Variants in ALDH3A2 observed in about 807,000 individuals in gnomAD.
The protein encoded by ALDH3A2 is aldehyde dehydrogenase 3 family member A2, also known as aldehyde dehydrogenase family 3 member A2.
A neutral mutation model predicts 51.3 loss-of-function variants in ALDH3A2; 36 were observed. The observed-to-expected ratio is 0.70, with a 90% CI of 0.54 to 0.93. The LOEUF (loss-of-function observed/expected upper bound fraction) is 0.93, where lower values mean the gene tolerates loss of function less well. Among genes scored for constraint, ALDH3A2 ranks in the 40% least tolerant of loss-of-function variants. The pLI is 0.00. For missense variants in ALDH3A2, 552 were observed against 603.1 expected (o/e 0.92, Z 0.89); for synonymous variants, 199 against 219.8 (o/e 0.91, Z 0.84).
intron 9 of ALDH3A2, chr17:19,673,101 A>G (rs2085140019): frequency 6.2e-7 from 1 of 1,612,580 alleles, no homozygotes; most frequent in Non-Finnish European, 8.5e-7. Flanking sequence ...TCCCAGCCTT[A>G]GTGGAATTGG....
At chr17:19,658,336 G>A (rs892787537) in intron 5 of ALDH3A2, among the ~76,000 whole-genome samples, 3 of 152,136 alleles carry the variant, frequency 2.0e-5, no homozygotes, top group East Asian at 1.9e-4. Flanking sequence ...ATCTTTCAGC[G>A]TGTTTAAAGT....
chr17:19,660,562 C>A (rs1410981091), intron 5 of ALDH3A2, among the ~76,000 whole-genome samples: 1 of 152,198 alleles, frequency 6.6e-6, no homozygotes, highest in Non-Finnish European at 1.5e-5. Context: ...TTTACCAAAG[C>A]TGTATTTTGA....
intron 9 of ALDH3A2, chr17:19,672,306 C>T (rs1403838206): frequency 3.0e-6 from 1 of 337,564 alleles, no homozygotes; most frequent in African/African-American, 2.1e-5. Flanking sequence ...GCTGTCTGAT[C>T]AAAGGGTTAG....
At position 19,654,080 on chromosome 17, in the gene ALDH3A2, A is replaced by C. The variant is rs1217567195; in HGVS notation, c.471+1448A>C. 6.6e-6 allele frequency among the ~76,000 whole-genome samples: 1 copy of C among 152,216 alleles called. No individual in the cohort carries two copies. Among genetic ancestry groups the C allele is most frequent in the Non-Finnish European group, 1.5e-5 (1 of 68,038 alleles). ...GGTGCTTTTACAATCCTCTAGCTAGACATAAAAGTTCTCCAAATCCCCACC... is the reference window on the plus strand; with the variant it reads ...GGTGCTTTTACAATCCTCTAGCTAGCCATAAAAGTTCTCCAAATCCCCACC... On this transcript the variant is annotated intron_variant, in intron 3 of 9. Transcript: ENST00000176643. The surrounding 1 kb of genome is among the most constrained non-coding windows in gnomAD (Gnocchi z 4.5).
chr17:19,651,459 C>T, intron 1 of ALDH3A2, 88 bp from the exon 2 acceptor site: 1 of 1,109,294 alleles, frequency 9.0e-7, no homozygotes. Flanking sequence ...GTTGTCACTA[C>T]AGGTGTACCT....
intron 9 of ALDH3A2, chr17:19,674,767 A>G (rs1597576534): frequency 6.6e-6 from 1 of 152,230 alleles, no homozygotes; most frequent in East Asian, 1.9e-4. Flanking sequence ...TCCTCTTTTT[A>G]TCAAATTACC....
chr17:19,675,437 A>G (rs2085174891), intron 9 of ALDH3A2, 121 bp from the exon 10 acceptor site: 2 of 1,009,230 alleles, frequency 2.0e-6, no homozygotes, highest in Admixed American at 1.7e-5. Context: ...TGTACAATGC[A>G]TGTAGAGTCT....
chr17:19,651,472 T>G (rs2084813275), intron 1 of ALDH3A2, 75 bp from the exon 2 acceptor site: 1 of 1,196,438 alleles, frequency 8.4e-7, no homozygotes, highest in Non-Finnish European at 1.2e-6. Context: ...GTGTACCTGG[T>G]GTGAGTGTTC....
chr17:19,653,536 G>A (rs977713915), intron 3 of ALDH3A2, among the ~76,000 whole-genome samples: 15 of 152,064 alleles, frequency 9.9e-5, no homozygotes, highest in African/African-American at 1.9e-4. Context: ...GCAGACCTTC[G>A]TGGTGAGTGT....
intron 5 of ALDH3A2, among the ~76,000 whole-genome samples, chr17:19,658,958 A>C (rs1183613271): frequency 6.6e-6 from 1 of 152,144 alleles, no homozygotes; most frequent in Non-Finnish European, 1.5e-5. Flanking sequence ...TTGGCCAGAC[A>C]TGGTGGCTCA....
At chr17:19,669,204 G>C (rs1223037074) in intron 8 of ALDH3A2, among the ~76,000 whole-genome samples, 1 of 152,000 alleles carries the variant, frequency 6.6e-6, no homozygotes, top group African/African-American at 2.4e-5. Flanking sequence ...TTGGGAGGCT[G>C]AGGCAGAAGA....
At chr17:19,653,581 G>A (rs1168864481) in intron 3 of ALDH3A2, among the ~76,000 whole-genome samples, 2 of 151,806 alleles carry the variant, frequency 1.3e-5, no homozygotes, top group East Asian at 3.9e-4. Context: ...GGAGTTGTTA[G>A]TTCCTCCTGT....
intron 1 of ALDH3A2, among the ~76,000 whole-genome samples, chr17:19,650,460 G>GT (rs1268895360): frequency 2.0e-5 from 3 of 150,930 alleles, no homozygotes; most frequent in South Asian, 2.1e-4. Context: ...TTTTGTTTTT[G>GT]TTTTTTTTCT....
intron 5 of ALDH3A2, among the ~76,000 whole-genome samples, chr17:19,658,968 A>G (rs774218591): frequency 5.5e-4 from 83 of 152,188 alleles, no homozygotes; most frequent in Non-Finnish European, 1.1e-3. Context: ...ATGGTGGCTC[A>G]CGCCTGTAAT....
rs974147936 is a variant in ALDH3A2 at position 19,648,929 on chromosome 17, C to T, written c.-43C>T. 8.4e-6 allele frequency: 13 copies of T among 1,548,532 alleles called. No individual in the cohort carries two copies. In the Admixed American group the frequency reaches 1.4e-4, roughly 16 times the overall value. On this transcript the variant is annotated 5_prime_UTR_variant, in exon 1 of 10. Coordinates refer to ENST00000176643, the MANE Select transcript of ALDH3A2 (RefSeq NM_000382.3). ...ACCTGCATGCTTCCCGCCTCCCACT[C>T]CCCAGCGCCCCCGGACCGTGCAGTT...
intron 8 of ALDH3A2, 95 bp downstream of exon 8, chr17:19,665,142 C>T (rs990428494): frequency 1.2e-5 from 14 of 1,129,300 alleles, no homozygotes; most frequent in South Asian, 7.5e-5. Flanking sequence ...CCAGCTGTTG[C>T]GTACCCTGAT....
At chr17:19,666,990 G>T (rs1412288884) in intron 8 of ALDH3A2, among the ~76,000 whole-genome samples, 1 of 151,812 alleles carries the variant, frequency 6.6e-6, no homozygotes, top group Non-Finnish European at 1.5e-5. Flanking sequence ...AACAAGCCTT[G>T]ACCCCCAAAT....
At chr17:19,672,207 GC>G (rs2085126320) in intron 9 of ALDH3A2, 2 of 552,422 alleles carry the variant, frequency 3.6e-6, no homozygotes, top group Non-Finnish European at 6.5e-6. Context: ...AGGCTGAATG[GC>G]CCTCAGAGCC....
chr17:19,655,026 G>T (rs2084876050), intron 3 of ALDH3A2, among the ~76,000 whole-genome samples: 2 of 152,152 alleles, frequency 1.3e-5, no homozygotes, highest in African/African-American at 4.8e-5. Context: ...ACTGAATAAA[G>T]AAAATGATCT....
Sources: allele counts gnomAD v4.1 joint callset (sites outside exome capture counted in the v4.1 genomes callset), GRCh38; gene constraint gnomAD v4.1.1; non-coding constraint Gnocchi (gnomAD v3.1); transcripts MANE v1.5; gene names NCBI Gene and HGNC (gene_info 2026-07-23, HGNC 2026-07-21).